Variants in CNTNAP5 observed in about 807,000 individuals in gnomAD.
CNTNAP5 encodes the protein contactin associated protein family member 5.
Under a neutral mutation model 150.2 loss-of-function variants are expected in CNTNAP5, and 72 were observed. That is an observed-to-expected ratio of 0.48 (90% CI 0.40 to 0.58). The LOEUF is 0.58. Ranked by LOEUF, CNTNAP5 falls within the 20% of genes least tolerant of loss-of-function variation. The pLI is 0.00. For synonymous variants in CNTNAP5, 672 were observed against 619.8 expected (o/e 1.08, Z -1.25); for missense variants, 1,636 against 1,626.2 (o/e 1.01, Z -0.10).
At chr2:124,860,406 C>G (rs1677488461) in intron 19 of CNTNAP5, among the ~76,000 whole-genome samples, 1 of 149,140 alleles carries the variant, frequency 6.7e-6, no homozygotes, top group Non-Finnish European at 1.5e-5. Flanking sequence ...CTCCCTGCCT[C>G]CCTCTCTCCC....
At chr2:124,429,896 T>A (rs923509827) in intron 4 of CNTNAP5, among the ~76,000 whole-genome samples, 1 of 152,158 alleles carries the variant, frequency 6.6e-6, no homozygotes, top group Non-Finnish European at 1.5e-5. Context: ...GGCACCTCAA[T>A]GGATCACAGC....
chr2:124,617,092 TATA>T (rs896080272), intron 12 of CNTNAP5, among the ~76,000 whole-genome samples: 4 of 151,826 alleles, frequency 2.6e-5, no homozygotes, highest in African/African-American at 9.7e-5. Flanking sequence ...TAACGATAAT[TATA>T]ATAATAATAT....
chr2:124,166,690 A>T (rs945754433), intron 1 of CNTNAP5, among the ~76,000 whole-genome samples: 6 of 152,178 alleles, frequency 3.9e-5, no homozygotes, highest in Admixed American at 3.9e-4. Context: ...CCAGTTCCTT[A>T]GGTTTCCTTC....
At position 124,446,803 on chromosome 2, in the gene CNTNAP5, A is replaced by G. The variant is rs781133456; in HGVS notation, c.784A>G (p.Ser262Gly). The G allele has an allele frequency of 6.8e-6, 11 of 1,613,796 alleles. No individual in the cohort carries two copies. In the South Asian group the frequency reaches 8.8e-5, roughly 13 times the overall value. ...SSSLPSATLG[S>G]LLDDQHWHSV... ...CAGCTTGCCCTCTGCCACCCTGGGC[A>G]GCCTCCTGGATGACCAGCACTGGCA... Residue 262 changes from serine (S) to glycine (G), a missense_variant, in exon 6 of 24, where the codon AGC (serine) becomes GGC (glycine). Coordinates refer to ENST00000682447, the MANE Select transcript of CNTNAP5 (RefSeq NM_001367498.1).
intron 12 of CNTNAP5, among the ~76,000 whole-genome samples, chr2:124,632,388 A>T (rs1677882631): frequency 6.6e-6 from 1 of 152,204 alleles, no homozygotes; most frequent in South Asian, 2.1e-4. Flanking sequence ...AAGAAACGAG[A>T]TCATGTCCTT....
In CNTNAP5 at chr2:124,914,798, G is replaced by A. The variant is rs1678729490; in HGVS notation, c.*510G>A. 1.3e-5 allele frequency: 2 copies of A among 152,330 alleles called. No individual in the cohort carries two copies. The highest frequency in any genetic ancestry group is 4.8e-5 in the African/African-American group (2 of 41,390). The allele number at this position is 152,330 out of a possible 1,614,324, so 9.4% of individuals were successfully genotyped here. ...TTGTAAAAAGAGTAAGAGAGGTTTG[G>A]TTTGTGGTGGTTTGCTTTCTTTACC... On this transcript the variant is annotated 3_prime_UTR_variant, in exon 24 of 24. Coordinates refer to ENST00000682447, the MANE Select transcript of CNTNAP5 (RefSeq NM_001367498.1).
At chr2:124,830,092 G>A (rs1415244060) in intron 19 of CNTNAP5, among the ~76,000 whole-genome samples, 1 of 151,488 alleles carries the variant, frequency 6.6e-6, no homozygotes, top group African/African-American at 2.4e-5. Flanking sequence ...ATGGAAAGAG[G>A]ATCTAGATTA....
intron 3 of CNTNAP5, among the ~76,000 whole-genome samples, chr2:124,380,389 T>C (rs373700068): frequency 6.6e-6 from 1 of 152,156 alleles, no homozygotes; most frequent in East Asian, 1.9e-4. Context: ...CCAGTTTTTA[T>C]TGAATTTGTC....
chr2:124,454,876 T>G (rs1208475332), intron 6 of CNTNAP5, among the ~76,000 whole-genome samples: 1 of 152,058 alleles, frequency 6.6e-6, no homozygotes, highest in Non-Finnish European at 1.5e-5. Flanking sequence ...TATCAAAACC[T>G]CTGGGATACA....
At chr2:124,509,044 T>C (rs1197250354) in intron 8 of CNTNAP5, among the ~76,000 whole-genome samples, 2 of 146,894 alleles carry the variant, frequency 1.4e-5, no homozygotes, top group Non-Finnish European at 3.1e-5. Context: ...GGTCAGAGAA[T>C]GCAGATAATC....
intron 1 of CNTNAP5, among the ~76,000 whole-genome samples, chr2:124,198,180 T>A (rs1452156250): frequency 7.3e-6 from 1 of 136,358 alleles, no homozygotes; most frequent in African/African-American, 2.7e-5. Flanking sequence ...GTGAGCCATT[T>A]GAGTTTCTTT....
intron 1 of CNTNAP5, chr2:124,135,262 T>C (rs12992183): frequency 0.49 from 74,393 of 151,646 alleles, 18,702 homozygotes; most frequent in South Asian, 0.61. Flanking sequence ...GAGAACAGGA[T>C]ATTTCCCCAG....
intron 3 of CNTNAP5, among the ~76,000 whole-genome samples, chr2:124,274,596 A>C (rs1263780700): frequency 6.6e-6 from 1 of 152,162 alleles, no homozygotes; most frequent in African/African-American, 2.4e-5. Context: ...GACTGGGTAC[A>C]TGGCCAGAGA....
rs144424077 is a variant in CNTNAP5 at position 124,851,070 on chromosome 2, T to G, written c.3218-14236T>G. On this transcript the variant is annotated intron_variant, in intron 19 of 23. Coordinates refer to ENST00000682447, the MANE Select transcript of CNTNAP5 (RefSeq NM_001367498.1). ...AGAGAAATGTGACATTAGCTAACAT[T>G]AAAAGAGTTGCAGGCCGGGCGCAAT... 9.4e-4 allele frequency among the ~76,000 whole-genome samples: 143 copies of G among 152,270 alleles called. 2 individuals carry two copies. The highest frequency in any genetic ancestry group is 3.1e-3 in the African/African-American group (129 of 41,560).
intron 13 of CNTNAP5, among the ~76,000 whole-genome samples, chr2:124,725,874 A>G (rs1333439999): frequency 6.6e-6 from 1 of 151,988 alleles, no homozygotes; most frequent in Non-Finnish European, 1.5e-5. Flanking sequence ...CATTCATGTC[A>G]TTGGAAATGG....
intron 14 of CNTNAP5, among the ~76,000 whole-genome samples, chr2:124,750,734 C>T (rs1680705738): frequency 6.6e-6 from 1 of 151,840 alleles, no homozygotes; most frequent in Non-Finnish European, 1.5e-5. Context: ...ACCTGTAATC[C>T]CAGCACTTTG....
intron 1 of CNTNAP5, among the ~76,000 whole-genome samples, chr2:124,169,866 T>C (rs73952904): frequency 0.01 from 1,572 of 152,300 alleles, 28 homozygotes; most frequent in African/African-American, 0.036. Context: ...CAACAATTGA[T>C]CTTATCCTTC....
chr2:124,036,763 A>G (rs1681232747), intron 1 of CNTNAP5, among the ~76,000 whole-genome samples: 3 of 152,176 alleles, frequency 2.0e-5, no homozygotes, highest in Admixed American at 2.0e-4. Flanking sequence ...CAACAGTCCT[A>G]AGAGACAGTT....
At chr2:124,335,847 GA>G (rs1427802047) in intron 3 of CNTNAP5, among the ~76,000 whole-genome samples, 3 of 151,918 alleles carry the variant, frequency 2.0e-5, no homozygotes, top group Admixed American at 6.6e-5. Context: ...TTGCAGGGGT[GA>G]AAAACAAAAC....
Sources: gnomAD v4.1 joint callset for allele counts (sites outside exome capture counted in the v4.1 genomes callset) on GRCh38, gnomAD v4.1.1 for gene constraint, MANE v1.5 for transcripts, NCBI Gene and HGNC (gene_info 2026-07-23, HGNC 2026-07-21) for gene names.